CDK5RAP2: variants seen among roughly 807,000 people sequenced by gnomAD.
CDK5RAP2 encodes the protein CDK5 regulatory subunit associated protein 2, also known as CDK5 regulatory subunit-associated protein 2.
Under a neutral mutation model 232.9 loss-of-function variants are expected in CDK5RAP2, and 147 were observed. The observed-to-expected ratio is 0.63, with a 90% CI of 0.55 to 0.72. The LOEUF is 0.72. CDK5RAP2 is among the 30% of genes least tolerant of loss of function. The pLI, the probability that CDK5RAP2 is intolerant of heterozygous loss-of-function variation, is 0.00. For synonymous variants in CDK5RAP2, 833 were observed against 833.7 expected, an observed-to-expected ratio of 1.00 and a Z score of 0.01; for missense variants, 2,195 against 2,231.5, an observed-to-expected ratio of 0.98 and a Z score of 0.33.
chr9:120,472,155 A>G (rs2037745414), intron 15 of CDK5RAP2, among the ~76,000 whole-genome samples: 2 of 152,234 alleles, frequency 1.3e-5, no homozygotes, highest in South Asian at 2.1e-4. Context: ...TAGACATACA[A>G]TGCTGATATG....
At chr9:120,567,974 G>A (rs2042707419) in intron 3 of CDK5RAP2, among the ~76,000 whole-genome samples, 1 of 152,196 alleles carries the variant, frequency 6.6e-6, no homozygotes, top group South Asian at 2.1e-4. Flanking sequence ...TATAGTAACA[G>A]TAAGGCCTTT....
rs112966605 is a variant in CDK5RAP2, at chr9:120,528,774, C to T, written c.849G>A (p.Lys283=). 2 of 1,610,100 alleles carry T rather than the reference C, an allele frequency of 1.2e-6. No homozygotes were observed. Among genetic ancestry groups the T allele is most frequent in the African/African-American group, 1.3e-5 (1 of 74,990 alleles). The change falls in exon 9 of 38, where the codon AAG becomes AAA. Residue 283 remains lysine, a synonymous_variant. Transcript: ENST00000349780. ...ETEAAQMEHQ[K]ERNSFEERIQ... Reference sequence around the variant, plus strand: ...TCCTCTCTTCAAAGCTGTTTCTCTCCTTCTGATGCTCCATTTGTGCAGCCT... The same window carrying T: ...TCCTCTCTTCAAAGCTGTTTCTCTCTTTCTGATGCTCCATTTGTGCAGCCT...
At chr9:120,458,377 A>T in intron 20 of CDK5RAP2, 73 bp downstream of exon 20, 1 of 1,435,018 alleles carries the variant, frequency 7.0e-7, no homozygotes, top group Non-Finnish European at 9.8e-7. Context: ...GATCATCTAA[A>T]CCCATTTAGC....
chr9:120,554,216 C>T (rs2132078167), intron 3 of CDK5RAP2, among the ~76,000 whole-genome samples: 1 of 152,170 alleles, frequency 6.6e-6, no homozygotes. Flanking sequence ...TGACAGTAGG[C>T]ATAAAGAAGT....
intron 14 of CDK5RAP2, among the ~76,000 whole-genome samples, chr9:120,483,096 T>C (rs1242937365): frequency 4.0e-5 from 6 of 150,528 alleles, no homozygotes; most frequent in African/African-American, 1.5e-4. Flanking sequence ...ACCCAGCCCC[T>C]CCAAACAAAA....
chr9:120,442,107 C>T (rs1050571156), intron 23 of CDK5RAP2, among the ~76,000 whole-genome samples: 2 of 152,090 alleles, frequency 1.3e-5, no homozygotes, highest in Admixed American at 6.5e-5. Flanking sequence ...AGATTAGTTC[C>T]CAGGACTTTC....
rs115322154 is a variant in CDK5RAP2, at chr9:120,442,168, G to A, written c.3148+1452C>T. ...GTACCCCCATTTTACAGAAGAGGAA[G>A]TTGAGGCTTAGGGAGCTTAAGAATT... On this transcript the variant is annotated intron_variant, in intron 23 of 37. Transcript: ENST00000349780. Among the ~76,000 whole-genome samples, 1,009 of 152,340 alleles carry A rather than the reference G, an allele frequency of 6.6e-3. 8 individuals are homozygous for A. Among genetic ancestry groups the A allele is most frequent in the African/African-American group, 0.022 (928 of 41,580 alleles).
chr9:120,482,798 A>G (rs1329597741), intron 14 of CDK5RAP2, among the ~76,000 whole-genome samples: 1 of 152,162 alleles, frequency 6.6e-6, no homozygotes. Flanking sequence ...ATTCCTGGGG[A>G]TATTTTGCAT....
chr9:120,482,849 T>C (rs1028806225), intron 14 of CDK5RAP2, among the ~76,000 whole-genome samples: 2 of 152,164 alleles, frequency 1.3e-5, no homozygotes, highest in Non-Finnish European at 2.9e-5. Flanking sequence ...TAGAAGCAAA[T>C]TGCTTACCCA....
intron 25 of CDK5RAP2, among the ~76,000 whole-genome samples, chr9:120,425,206 C>G (rs1588298418): frequency 6.6e-6 from 1 of 152,174 alleles, no homozygotes; most frequent in Non-Finnish European, 1.5e-5. Flanking sequence ...AACAGACCCT[C>G]GAGGAGCTTG....
At chr9:120,496,499 C>G (rs1422119844) in intron 12 of CDK5RAP2, among the ~76,000 whole-genome samples, 5 of 134,724 alleles carry the variant, frequency 3.7e-5, no homozygotes, top group African/African-American at 1.4e-4. Context: ...CCGCCCCGTC[C>G]GGGAGGGAGG....
rs1420837523 is a variant in CDK5RAP2, at chr9:120,402,938, G to A, written c.5175C>T (p.Arg1725=). The A allele has an allele frequency of 6.2e-7, 1 of 1,614,186 alleles. No homozygotes were observed. Among genetic ancestry groups the A allele is most frequent in the Non-Finnish European group, 8.5e-7 (1 of 1,180,040 alleles). ...GHHLWASKNG[R]HVLGLIEDYE... ...AGTCCTCAATCAGGCCCAGGACATG[G>A]CGGCCATTCTTGCTGGCCCACAGGT... The change falls in exon 34 of 38, where the codon CGC becomes CGT. Residue 1725 remains arginine (R), a synonymous_variant. Transcript: ENST00000349780.
At chr9:120,452,625 T>C (rs1281921138) in intron 21 of CDK5RAP2, among the ~76,000 whole-genome samples, 1 of 151,540 alleles carries the variant, frequency 6.6e-6, no homozygotes, top group African/African-American at 2.4e-5. Flanking sequence ...AGGATTTTCA[T>C]AAGGGTCCAA....
intron 36 of CDK5RAP2, among the ~76,000 whole-genome samples, chr9:120,393,836 T>C (rs1362498040): frequency 1.3e-5 from 2 of 152,162 alleles, no homozygotes. Flanking sequence ...CTCCTCTGGA[T>C]CCCCAGCGTC....
In CDK5RAP2 at chr9:120,515,120, C is replaced by T. The variant is rs1046568263; in HGVS notation, c.1311+3307G>A. On this transcript the variant is annotated intron_variant, in intron 12 of 37. Coordinates refer to ENST00000349780, the MANE Select transcript of CDK5RAP2 (RefSeq NM_018249.6). ...TATCACCCCCTCATCCTCGGCCATC[C>T]AAATTTTACCAAACAAACATTATAA... Among the ~76,000 whole-genome samples the T allele has an allele frequency of 2.6e-5, 4 of 151,854 alleles. 1 individual carries two copies. The highest frequency in any genetic ancestry group is 9.7e-5 in the African/African-American group (4 of 41,302).
intron 25 of CDK5RAP2, among the ~76,000 whole-genome samples, chr9:120,431,072 T>C (rs1210479071): frequency 6.6e-6 from 1 of 151,368 alleles, no homozygotes; most frequent in East Asian, 1.9e-4. Context: ...TGAGAACACG[T>C]GGACACAGGA....
At chr9:120,495,807 G>T in intron 12 of CDK5RAP2, among the ~76,000 whole-genome samples, 2 of 49,712 alleles carry the variant, frequency 4.0e-5, no homozygotes, top group Non-Finnish European at 8.2e-5. Flanking sequence ...GAGGTGGGGG[G>T]GTCAGCCCCC....
At position 120,439,909 on chromosome 9, in the gene CDK5RAP2, T is replaced by C; in HGVS notation, c.3212A>G (p.Asp1071Gly). 1 of 1,614,164 alleles carries C rather than the reference T, an allele frequency of 6.2e-7. No homozygotes were observed. The highest frequency in any genetic ancestry group is 1.1e-5 in the South Asian group (1 of 91,080). The change falls in exon 24 of 38, where the codon GAT (aspartate) becomes GGT (glycine). Residue 1071 changes from aspartate (D) to glycine (G), a missense_variant. By Grantham distance (94) the Asp-to-Gly change is moderately conservative. Transcript: ENST00000349780. Reference protein sequence around the residue: ...SLPSCKENPEDVLSPTSVATY... With the variant: ...SLPSCKENPEGVLSPTSVATY... ...AGCTACTGAAGTTGGGCTCAGAACA[T>C]CTTCAGGATTTTCTTTGCATGATGG...
chr9:120,548,699 C>T (rs1435053053), intron 4 of CDK5RAP2, among the ~76,000 whole-genome samples: 1 of 152,140 alleles, frequency 6.6e-6, no homozygotes, highest in Non-Finnish European at 1.5e-5. Flanking sequence ...GTAGTCCCAA[C>T]TACTCAGGAG....
Sources: gnomAD v4.1 joint callset for allele counts (sites outside exome capture counted in the v4.1 genomes callset) on GRCh38, gnomAD v4.1.1 for gene constraint, MANE v1.5 for transcripts, NCBI Gene and HGNC (gene_info 2026-07-23, HGNC 2026-07-21) for gene names.